The following ABAT variants were observed in gnomAD, a reference collection of about 807,000 sequenced individuals.
ABAT encodes the protein 4-aminobutyrate aminotransferase.
ABAT carries 45 observed loss-of-function variants against 64.6 expected under a neutral mutation model. That is an observed-to-expected ratio of 0.70 (90% CI 0.55 to 0.89). ABAT has a LOEUF of 0.89. Ranked by LOEUF, ABAT falls within the 40% of genes least tolerant of loss-of-function variation. The pLI, the probability that ABAT is intolerant of heterozygous loss-of-function variation, is 0.00. For missense variants in ABAT, 633 were observed against 658.4 expected (o/e 0.96, Z 0.42); for synonymous variants, 297 against 250.5 (o/e 1.19, Z -1.75).
At chr16:8,736,084 G>C in intron 2 of ABAT, 1 of 462,760 alleles carries the variant, frequency 2.2e-6, no homozygotes, top group Non-Finnish European at 4.0e-6. Flanking sequence ...ACAAAGGCAC[G>C]TCTTACATGG....
rs189688457 is a variant in ABAT at position 8,741,008 on chromosome 16, G to T, written c.71-4993G>T. Among the ~76,000 whole-genome samples, 335 of 152,286 alleles carry T rather than the reference G, an allele frequency of 2.2e-3. 1 individual carries two copies. The highest frequency in any genetic ancestry group is 6.9e-3 in the African/African-American group (285 of 41,556). On this transcript the variant is annotated intron_variant, in intron 2 of 15. Transcript: ENST00000268251. The stretch of plus-strand genomic sequence containing the variant: ...AACACGACATTCGTTTATCACTCTC[G>T]GTCTAAAGATCAAGAGAACATTAAC...
chr16:8,711,739 G>T (rs1345090181), intron 1 of ABAT, among the ~76,000 whole-genome samples: 2 of 75,374 alleles, frequency 2.7e-5, no homozygotes, highest in African/African-American at 5.5e-5. Flanking sequence ...TGGATGGGTG[G>T]ATGGATGGGT....
intron 1 of ABAT, chr16:8,713,421 T>A (rs1053549038): frequency 1.1e-4 from 18 of 161,400 alleles, no homozygotes; most frequent in African/African-American, 4.2e-4. Context: ...TTAAAAAAAA[T>A]CTGTATTCTA....
intron 1 of ABAT, among the ~76,000 whole-genome samples, chr16:8,721,125 T>A (rs960070185): frequency 2.6e-5 from 4 of 152,218 alleles, no homozygotes; most frequent in Non-Finnish European, 5.9e-5. Context: ...TTACTTAATG[T>A]GCCTGAGGTT....
intron 1 of ABAT, among the ~76,000 whole-genome samples, chr16:8,681,718 T>C (rs979901267): frequency 6.6e-6 from 1 of 150,858 alleles, no homozygotes; most frequent in Non-Finnish European, 1.5e-5. Flanking sequence ...CTCAGCTCAC[T>C]GCAACTTCTG....
intron 5 of ABAT, among the ~76,000 whole-genome samples, chr16:8,751,185 G>A (rs887691101): frequency 6.6e-6 from 1 of 152,120 alleles, no homozygotes; most frequent in Non-Finnish European, 1.5e-5. Flanking sequence ...CTGACCGCAA[G>A]TGATCTGCCT....
At chr16:8,712,238 A>C (rs894584756) in intron 1 of ABAT, among the ~76,000 whole-genome samples, 1 of 152,208 alleles carries the variant, frequency 6.6e-6, no homozygotes, top group African/African-American at 2.4e-5. Context: ...CTCATAAAAA[A>C]AGAAAAGAAA....
intron 5 of ABAT, chr16:8,757,175 T>G: frequency 2.2e-6 from 1 of 453,210 alleles, no homozygotes; most frequent in Non-Finnish European, 4.4e-6. Context: ...CCCTTTTTAT[T>G]TATTTATTTA....
chr16:8,731,358 C>G (rs1471661063), intron 1 of ABAT: 2 of 152,192 alleles, frequency 1.3e-5, no homozygotes, highest in East Asian at 3.8e-4. Flanking sequence ...CAAAGAAATT[C>G]TTTATATTCC....
intron 1 of ABAT, among the ~76,000 whole-genome samples, chr16:8,724,656 A>G (rs898390834): frequency 1.4e-5 from 2 of 141,278 alleles, no homozygotes; most frequent in Non-Finnish European, 3.0e-5. Context: ...GGATCACTTG[A>G]GCCTGGGAGC....
chr16:8,704,110 G>A (rs1234075473), intron 1 of ABAT, among the ~76,000 whole-genome samples: 7 of 152,178 alleles, frequency 4.6e-5, no homozygotes. Context: ...AACTGCAGGT[G>A]CACTAAACTC....
chr16:8,704,899 T>C (rs143658029), intron 1 of ABAT, among the ~76,000 whole-genome samples: 4,212 of 152,216 alleles, frequency 0.028, 209 homozygotes, highest in African/African-American at 0.097. Flanking sequence ...TTGCCCAGGC[T>C]GGTCTCGAAC....
chr16:8,702,181 C>A (rs1236587801), intron 1 of ABAT, among the ~76,000 whole-genome samples: 1 of 151,842 alleles, frequency 6.6e-6, no homozygotes, highest in African/African-American at 2.4e-5. Context: ...AGGAAACTTA[C>A]AATCATGGCA....
At chr16:8,760,470 C>T (rs1461450637) in intron 6 of ABAT, 2 of 152,216 alleles carry the variant, frequency 1.3e-5, no homozygotes, top group East Asian at 1.9e-4. Flanking sequence ...ACATTTTCTT[C>T]TGTCTGAATG....
intron 1 of ABAT, among the ~76,000 whole-genome samples, chr16:8,690,720 TAAG>T (rs3065947): frequency 1.8e-3 from 267 of 152,302 alleles, no homozygotes; most frequent in Middle Eastern, 0.01. Context: ...GTGGAGTAAT[TAAG>T]AAGGTTTTCA....
intron 1 of ABAT, among the ~76,000 whole-genome samples, chr16:8,724,860 C>T (rs12933164): frequency 6.6e-6 from 1 of 150,662 alleles, no homozygotes; most frequent in African/African-American, 2.4e-5. Context: ...TCTACACACA[C>T]TTCTTTGGTC....
intron 2 of ABAT, among the ~76,000 whole-genome samples, chr16:8,742,865 C>CAAAA (rs71152927): frequency 3.1e-5 from 3 of 96,950 alleles, no homozygotes; most frequent in Admixed American, 1.2e-4. Flanking sequence ...GACCCTGTCT[C>CAAAA]AAAAAAAAAA....
At chr16:8,736,764 T>C (rs2058951938) in intron 2 of ABAT, 1 of 152,134 alleles carries the variant, frequency 6.6e-6, no homozygotes, top group African/African-American at 2.4e-5. Flanking sequence ...AACTCAGGCT[T>C]AGAGAAGCAA....
chr16:8,780,763 TA>T (rs60149541), intron 15 of ABAT: 45,417 of 136,778 alleles, frequency 0.33, 5,615 homozygotes, highest in African/African-American at 0.41. Context: ...ACTCCATCTC[TA>T]AAAAAAAAAA....
Sources: gnomAD v4.1 joint callset for allele counts (sites outside exome capture counted in the v4.1 genomes callset) on GRCh38, gnomAD v4.1.1 for gene constraint, MANE v1.5 for transcripts, NCBI Gene and HGNC (gene_info 2026-07-23, HGNC 2026-07-21) for gene names.